Variants in ABL1 observed in about 807,000 individuals in gnomAD.
ABL1 encodes the protein tyrosine-protein kinase ABL1.
In ABL1, 11 loss-of-function variants were observed where a neutral mutation model predicts 94.7. That is an observed-to-expected ratio of 0.12 (90% CI 0.07 to 0.19). ABL1 has a LOEUF of 0.19. Ranked by LOEUF, ABL1 falls within the 10% of genes least tolerant of loss-of-function variation. The pLI is 1.00. For synonymous variants in ABL1, 656 were observed against 622.4 expected (o/e 1.05, Z -0.80); for missense variants, 1,082 against 1,489.4 (o/e 0.73, Z 4.50).
chr9:130,826,957 A>G (rs986731744), intron 1 of ABL1, among the ~76,000 whole-genome samples: 3 of 152,188 alleles, frequency 2.0e-5, no homozygotes, highest in Admixed American at 6.5e-5. Context: ...GGGCGCCTGT[A>G]GTCCCAGCTA....
At chr9:130,759,557 A>G (rs1832084144) in intron 1 of ABL1, among the ~76,000 whole-genome samples, 1 of 152,256 alleles carries the variant, frequency 6.6e-6, no homozygotes, top group Non-Finnish European at 1.5e-5. Flanking sequence ...AAAAAAATGT[A>G]AAGTGAGAAA....
chr9:130,771,732 T>TTTTCTTTCTTTCTTTCTTTCTTTCTTTC lies in ABL1; in HGVS notation c.136+57300_136+57301insCTTTCTTTCTTTCTTTCTTTCTTTCTTT, dbSNP rs373455783. On this transcript the variant is annotated intron_variant, in intron 1 of 10. Coordinates refer to the ABL1 transcript ENST00000372348. ...GTATAGTTTCCTTGGTCAAATGACT[T>TTTTCTTTCTTTCTTTCTTTCTTTCTTTC]TTTCTTTCTTTCTTTCTTTCTTTTT... Among the ~76,000 whole-genome samples, 56 of 119,728 alleles carry TTTTCTTTCTTTCTTTCTTTCTTTCTTTC rather than the reference T, an allele frequency of 4.7e-4. 5 individuals are homozygous for TTTTCTTTCTTTCTTTCTTTCTTTCTTTC. The highest frequency in any genetic ancestry group is 9.1e-3 in the Middle Eastern group (2 of 220). The allele number at this position is 119,728 out of a possible 152,430, so 78.5% of individuals were successfully genotyped here. A position where few individuals can be genotyped will look rare whatever the true frequency, so the allele number is the denominator to read the frequency against.
At chr9:130,719,590 T>C (rs1831490263) in intron 1 of ABL1, among the ~76,000 whole-genome samples, 1 of 152,232 alleles carries the variant, frequency 6.6e-6, no homozygotes, top group Non-Finnish European at 1.5e-5. Context: ...CCTGTCACTT[T>C]TTTCAGATCC....
chr9:130,873,161 C>T (rs1831282345), intron 6 of ABL1, 124 bp downstream of exon 6: 2 of 1,019,826 alleles, frequency 2.0e-6, no homozygotes, highest in Non-Finnish European at 2.8e-6. Context: ...GCTGGCAACA[C>T]ATTGGACCTT....
intron 1 of ABL1, among the ~76,000 whole-genome samples, chr9:130,779,184 C>T (rs959564224): frequency 7.2e-5 from 11 of 152,312 alleles, no homozygotes; most frequent in Admixed American, 7.2e-4. Context: ...TGGCCTAAGC[C>T]ACTGCCAGGT....
intron 1 of ABL1, among the ~76,000 whole-genome samples, chr9:130,813,148 G>A (rs1028469682): frequency 1.3e-5 from 2 of 152,072 alleles, no homozygotes; most frequent in African/African-American, 2.4e-5. Flanking sequence ...CCGGGAGGCA[G>A]AGGTTGCAGT....
At chr9:130,734,992 G>A (rs937607524) in intron 1 of ABL1, among the ~76,000 whole-genome samples, 1 of 151,974 alleles carries the variant, frequency 6.6e-6, no homozygotes, top group African/African-American at 2.4e-5. Flanking sequence ...CAAGCTTTGT[G>A]GCAGTTTTAC....
At chr9:130,724,071 A>G (rs1468071342) in intron 1 of ABL1, among the ~76,000 whole-genome samples, 11 of 151,716 alleles carry the variant, frequency 7.3e-5, no homozygotes, top group African/African-American at 2.4e-5. Flanking sequence ...TGGCCTTCCA[A>G]AGTGCTGGGA....
intron 1 of ABL1, among the ~76,000 whole-genome samples, chr9:130,754,376 C>T (rs1471359707): frequency 6.7e-6 from 1 of 148,710 alleles, no homozygotes; most frequent in African/African-American, 2.5e-5. Context: ...GGCGTGGTGG[C>T]GGGCACCTGT....
At chr9:130,763,536 A>C (rs1203584284) in intron 1 of ABL1, among the ~76,000 whole-genome samples, 1 of 152,176 alleles carries the variant, frequency 6.6e-6, no homozygotes, top group East Asian at 1.9e-4. Flanking sequence ...ACAAGATTTC[A>C]GCTGGGACTT....
At chr9:130,829,961 C>CTGAA (rs1189179942) in intron 1 of ABL1, among the ~76,000 whole-genome samples, 1 of 152,118 alleles carries the variant, frequency 6.6e-6, no homozygotes. Context: ...AGCTAAAAAT[C>CTGAA]TGAAGGAGGC....
intron 1 of ABL1, among the ~76,000 whole-genome samples, chr9:130,771,228 GTA>G (rs1413528994): frequency 2.0e-5 from 3 of 151,420 alleles, no homozygotes; most frequent in Non-Finnish European, 4.4e-5. Flanking sequence ...ATGTATGTAT[GTA>G]TGTGTGTGTG....
At chr9:130,728,525 A>G (rs1448651793) in intron 1 of ABL1, among the ~76,000 whole-genome samples, 4 of 151,454 alleles carry the variant, frequency 2.6e-5, no homozygotes, top group Admixed American at 6.6e-5. Flanking sequence ...AGCTGGGACT[A>G]CAGGCGCCTG....
intron 1 of ABL1, among the ~76,000 whole-genome samples, chr9:130,785,641 G>A (rs1257139676): frequency 2.6e-5 from 4 of 151,862 alleles, no homozygotes; most frequent in African/African-American, 4.8e-5. Context: ...TAAAAATCTC[G>A]GCCGGGCGTG....
chr9:130,735,961 A>ATATATATATATATTTTT (rs573602038), intron 1 of ABL1, among the ~76,000 whole-genome samples: 10 of 94,842 alleles, frequency 1.1e-4, no homozygotes, highest in African/African-American at 5.1e-4. Flanking sequence ...ATATATATAT[A>ATATATATATATATTTTT]TTTTTTTTTT....
At chr9:130,842,985 C>T (rs1051698959) in intron 1 of ABL1, among the ~76,000 whole-genome samples, 4 of 152,206 alleles carry the variant, frequency 2.6e-5, no homozygotes, top group Non-Finnish European at 5.9e-5. Flanking sequence ...GTTTATATTT[C>T]AGTCAAAACA....
chr9:130,860,060 G>T (rs1831046788), intron 3 of ABL1, among the ~76,000 whole-genome samples: 1 of 152,126 alleles, frequency 6.6e-6, no homozygotes, highest in Non-Finnish European at 1.5e-5. Context: ...AGCCCTGACT[G>T]AGCACCTGAG....
intron 1 of ABL1, among the ~76,000 whole-genome samples, chr9:130,767,487 C>T (rs1361768330): frequency 6.6e-6 from 1 of 152,170 alleles, no homozygotes; most frequent in African/African-American, 2.4e-5. Flanking sequence ...TGCCTGCCAC[C>T]ACGTCTGGCT....
intron 1 of ABL1, among the ~76,000 whole-genome samples, chr9:130,774,083 C>T (rs1178884873): frequency 1.3e-5 from 2 of 152,090 alleles, no homozygotes; most frequent in African/African-American, 2.4e-5. Flanking sequence ...TCTTGAGATT[C>T]ATCCATGTTT....
Sources: allele counts gnomAD v4.1 joint callset (sites outside exome capture counted in the v4.1 genomes callset), GRCh38; gene constraint gnomAD v4.1.1; transcripts MANE v1.5; gene names NCBI Gene and HGNC (gene_info 2026-07-23, HGNC 2026-07-21).